The following BATF2 variants were observed in gnomAD, a reference collection of about 807,000 sequenced individuals.
The protein encoded by BATF2 is basic leucine zipper ATF-like transcription factor 2.
A neutral mutation model predicts 7.3 loss-of-function variants in BATF2; 4 were observed. The ratio of observed to expected loss-of-function variants is 0.55; its 90% CI spans 0.27 to 1.26. The LOEUF is 1.26. Among genes scored for constraint, BATF2 ranks in the 50% most tolerant of loss-of-function variants. The probability of loss-of-function intolerance (pLI) is 0.11; values close to 1 mark genes in which losing one functional copy is unlikely to be tolerated. For missense variants in BATF2, 295 were observed against 340.5 expected (o/e 0.87, Z 1.05); for synonymous variants, 152 against 153.9 (o/e 0.99, Z 0.09).
At position 64,988,083 on chromosome 11, in the gene BATF2, C is replaced by T. The variant is rs149972582; in HGVS notation, c.*1046G>A. ...GTGAAGAGCCAGGGTTTCTCTCCCC[C>T]ACCCGCCTCAGAGTGCTTGTCCTGG... On this transcript the variant is annotated 3_prime_UTR_variant, in exon 3 of 3. Coordinates refer to ENST00000301887, the MANE Select transcript of BATF2 (RefSeq NM_138456.4). The T allele has an allele frequency of 1.3e-5, 2 of 152,314 alleles. No homozygotes were observed. The highest frequency in any genetic ancestry group is 2.9e-5 in the Non-Finnish European group (2 of 68,052). 9.4% of individuals were successfully genotyped at this position (152,314 alleles called of 1,614,324 possible).
chr11:64,994,884 T>G (rs78535132), intron 1 of BATF2, among the ~76,000 whole-genome samples: 4,349 of 152,148 alleles, frequency 0.029, 183 homozygotes, highest in East Asian at 0.21. Context: ...CTCACTCTGT[T>G]GCCCAGGCTG....
rs752208463 is a variant in BATF2, at chr11:64,988,986, G to A, written c.*143C>T. The A allele has an allele frequency of 1.2e-6, 1 of 831,966 alleles. No homozygotes were observed. Among genetic ancestry groups the A allele is most frequent in the South Asian group, 1.6e-5 (1 of 62,090 alleles). The allele number at this position is 831,966 out of a possible 1,614,324, so 51.5% of individuals were successfully genotyped here. Reference sequence around the variant, plus strand: ...GCCTGTCACAGTGGGAGGCATCAGTGGTGGCTTCCTTTTCGACTGTGAAAT... The same window carrying A: ...GCCTGTCACAGTGGGAGGCATCAGTAGTGGCTTCCTTTTCGACTGTGAAAT... On this transcript the variant is annotated 3_prime_UTR_variant, in exon 3 of 3. Transcript: ENST00000301887.
intron 2 of BATF2, among the ~76,000 whole-genome samples, chr11:64,991,012 G>A (rs999633390): frequency 6.6e-6 from 1 of 151,886 alleles, no homozygotes; most frequent in Non-Finnish European, 1.5e-5. Context: ...GGATGGTCTC[G>A]ATCTCCTGAC....
chr11:64,990,356 C>T (rs1350928426), intron 2 of BATF2: 48 of 1,448,642 alleles, frequency 3.3e-5, no homozygotes, highest in Non-Finnish European at 4.3e-5. Flanking sequence ...ACCCTTCCGC[C>T]GCCCTTCTCT....
chr11:64,991,153 ATTTTTTTTT>A (rs986602706), intron 2 of BATF2, among the ~76,000 whole-genome samples: 4 of 113,022 alleles, frequency 3.5e-5, no homozygotes, highest in African/African-American at 1.3e-4. Context: ...GGAATGATGA[ATTTTTTTTT>A]TTTTTTTTTT....
intron 2 of BATF2, among the ~76,000 whole-genome samples, chr11:64,993,887 C>A (rs888941338): frequency 2.8e-4 from 43 of 152,138 alleles, no homozygotes; most frequent in African/African-American, 9.4e-4. Flanking sequence ...CCTTGAACTT[C>A]TGGGCTCAAG....
At chr11:64,990,641 T>A in intron 2 of BATF2, 2 of 999,792 alleles carry the variant, frequency 2.0e-6, no homozygotes, top group Non-Finnish European at 2.4e-6. Flanking sequence ...ATGACAGTAA[T>A]GGTAAAAATG....
intron 2 of BATF2, chr11:64,990,088 G>A (rs556306265): frequency 6.5e-7 from 1 of 1,535,888 alleles, no homozygotes; most frequent in African/African-American, 1.4e-5. Context: ...GATATGCACG[G>A]GCCTCCAACC....
chr11:64,990,015 G>T, intron 2 of BATF2: 1 of 1,533,272 alleles, frequency 6.5e-7, no homozygotes. Flanking sequence ...TCTGAAGGGG[G>T]CTCAGATCCG....
At position 64,989,994 on chromosome 11, in the gene BATF2, C is replaced by A. The variant is rs963837830; in HGVS notation, c.142-182G>T. ...TTCATAACCACCTACCAAGTCTCCC[C>A]TGTCCCACCCTCTGAAGGGGGCTCA... is the stretch of plus-strand genomic sequence containing the variant. On this transcript the variant is annotated intron_variant, in intron 2 of 2. Coordinates refer to ENST00000301887, the MANE Select transcript of BATF2 (RefSeq NM_138456.4). This position sits in a 1 kb window ranked among gnomAD's most constrained non-coding sequence, Gnocchi z 4.3. 1 of 1,521,182 alleles carries A rather than the reference C, an allele frequency of 6.6e-7. No individual in the cohort carries two copies. Among genetic ancestry groups the A allele is most frequent in the Non-Finnish European group, 8.9e-7 (1 of 1,124,694 alleles). 94.2% of individuals were successfully genotyped at this position (1,521,182 alleles called of 1,614,324 possible).
At chr11:64,990,329 G>A in intron 2 of BATF2, 1 of 1,469,576 alleles carries the variant, frequency 6.8e-7, no homozygotes, top group Non-Finnish European at 9.0e-7. Context: ...CACATTTCCT[G>A]TTTCCTCTGC....
At chr11:64,995,144 G>A (rs1251756076) in intron 1 of BATF2, among the ~76,000 whole-genome samples, 1 of 152,174 alleles carries the variant, frequency 6.6e-6, no homozygotes, top group Non-Finnish European at 1.5e-5. Context: ...ACAGGTGTGA[G>A]CCACCGTGCC....
chr11:64,990,732 C>T (rs527640111), intron 2 of BATF2: 1 of 649,602 alleles, frequency 1.5e-6, no homozygotes, highest in African/African-American at 2.0e-5. Context: ...CTTTTCTGGA[C>T]ACTTTGAAAG....
In BATF2 at chr11:64,989,601, C is replaced by T. The variant is rs746983846; in HGVS notation, c.353G>A (p.Arg118Gln). Residue 118 changes from arginine (R) to glutamine (Q), a missense_variant, in exon 3 of 3, where the codon CGG becomes CAG. Transcript: ENST00000301887. The surrounding 1 kb of genome is among the most constrained non-coding windows in gnomAD (Gnocchi z 4.3). ...GGTCTGGAACAGCTCCAGCTGCTCCCGGCAGCCATGTTGTCCCTGTGGGCC... is the reference window on the plus strand; with the variant it reads ...GGTCTGGAACAGCTCCAGCTGCTCCTGGCAGCCATGTTGTCCCTGTGGGCC... Reference protein sequence around the residue: ...GPGPQGQHGCREQLELFQTPG... With the variant: ...GPGPQGQHGCQEQLELFQTPG... 10 of 1,604,566 alleles carry T rather than the reference C, an allele frequency of 6.2e-6. No individual in the cohort carries two copies. Among genetic ancestry groups the T allele is most frequent in the South Asian group, 5.5e-5 (5 of 90,314 alleles).
Position 64,989,661 on chromosome 11 carries a change from C to T in BATF2, c.293G>A (p.Gly98Asp). Residue 98 changes from glycine to aspartate, a missense_variant, in exon 3 of 3, where the codon GGC (glycine) becomes GAC (aspartate). Coordinates refer to ENST00000301887, the MANE Select transcript of BATF2 (RefSeq NM_138456.4). The surrounding 1 kb of genome is among the most constrained non-coding windows in gnomAD (Gnocchi z 4.3). ...CASCSAPGLL[G>D]CWDQAEGLLG... Reference sequence around the variant, plus strand: ...GAGCCCCTCAGCCTGGTCCCAGCAGCCCAGGAGCCCTGGAGCTGAGCAGGA... The same window carrying T: ...GAGCCCCTCAGCCTGGTCCCAGCAGTCCAGGAGCCCTGGAGCTGAGCAGGA... The T allele has an allele frequency of 1.2e-6, 2 of 1,613,576 alleles. No homozygotes were observed. Among genetic ancestry groups the T allele is most frequent in the Non-Finnish European group, 1.7e-6 (2 of 1,179,862 alleles).
chr11:64,990,962 T>G (rs1946071433), intron 2 of BATF2, among the ~76,000 whole-genome samples: 1 of 150,830 alleles, frequency 6.6e-6, no homozygotes. Context: ...GGCTAATATT[T>G]TGTATTTTTA....
rs1347786641 is a variant in BATF2, at chr11:64,989,271, G to A, written c.683C>T (p.Ser228Phe). The A allele has an allele frequency of 2.5e-6, 4 of 1,606,394 alleles. No homozygotes were observed. Among genetic ancestry groups the A allele is most frequent in the Non-Finnish European group, 3.4e-6 (4 of 1,175,590 alleles). ...KLGSSPDNPS[S>F]ALGLARLQSR... ...CTGCAGACGTGCAAGCCCCAGGGCA[G>A]AGGAAGGGTTGTCGGGAGAGGACCC... Residue 228 changes from serine to phenylalanine, a missense_variant, in exon 3 of 3, where the codon TCT (serine) becomes TTT (phenylalanine). Physicochemically the swap from Ser to Phe is radical, Grantham distance 155. Transcript: ENST00000301887. This position sits in a 1 kb window ranked among gnomAD's most constrained non-coding sequence, Gnocchi z 4.3.
At chr11:64,994,397 G>T in intron 2 of BATF2, 51 bp downstream of exon 2, 1 of 1,516,664 alleles carries the variant, frequency 6.6e-7, no homozygotes, top group Non-Finnish European at 9.0e-7. Flanking sequence ...GAGGTGGCTG[G>T]GCCAGTAAGT....
intron 2 of BATF2, among the ~76,000 whole-genome samples, chr11:64,992,222 T>A (rs779004100): frequency 6.6e-6 from 1 of 152,040 alleles, no homozygotes; most frequent in Admixed American, 6.6e-5. Flanking sequence ...TTAGCTACAA[T>A]GCTTGGCTAA....
Sources: allele counts gnomAD v4.1 joint callset (sites outside exome capture counted in the v4.1 genomes callset), GRCh38; gene constraint gnomAD v4.1.1; non-coding constraint Gnocchi (gnomAD v3.1); transcripts MANE v1.5; gene names NCBI Gene and HGNC (gene_info 2026-07-23, HGNC 2026-07-21).